Variants in BMPR2 observed in about 807,000 individuals in gnomAD.
BMPR2 encodes the protein bone morphogenetic protein receptor type 2.
In BMPR2, 29 loss-of-function variants were observed where a neutral mutation model predicts 100.8. That is an observed-to-expected ratio of 0.29 (90% CI 0.21 to 0.39). The LOEUF is 0.39. Ranked by LOEUF, BMPR2 falls within the 10% of genes least tolerant of loss-of-function variation. The pLI, the probability that BMPR2 is intolerant of heterozygous loss-of-function variation, is 1.00. For missense variants in BMPR2, 1,011 were observed against 1,274.5 expected, an observed-to-expected ratio of 0.79 and a Z score of 3.15; for synonymous variants, 382 against 442.3, an observed-to-expected ratio of 0.86 and a Z score of 1.71.
At chr2:202,436,187 C>G (rs1453933751) in intron 1 of BMPR2, among the ~76,000 whole-genome samples, 1 of 150,804 alleles carries the variant, frequency 6.6e-6, no homozygotes. Context: ...GGCACAGTGG[C>G]TTACGCCTAT....
intron 1 of BMPR2, among the ~76,000 whole-genome samples, chr2:202,389,666 C>G (rs1690507965): frequency 6.9e-6 from 1 of 144,190 alleles, no homozygotes; most frequent in South Asian, 2.2e-4. Context: ...TTTTTTGAGA[C>G]TGAGTTTTGC....
rs1447073568 is a variant in BMPR2, at chr2:202,376,660, A to G, written c.-815A>G. 2.7e-5 allele frequency among the ~76,000 whole-genome samples: 4 copies of G among 147,534 alleles called. No individual in the cohort carries two copies. Among genetic ancestry groups the G allele is most frequent in the Non-Finnish European group, 4.5e-5 (3 of 66,914 alleles). On this transcript the variant is annotated 5_prime_UTR_variant, in exon 1 of 13. Coordinates refer to ENST00000374580, the MANE Select transcript of BMPR2 (RefSeq NM_001204.7). ...CAGGCAAGATCGAGCCGCAGGAATA[A>G]AAAGCGAGGAAGGGAAGGGAGCGCC...
chr2:202,454,047 A>T (rs1257098629), intron 1 of BMPR2, among the ~76,000 whole-genome samples: 1 of 152,084 alleles, frequency 6.6e-6, no homozygotes, highest in Non-Finnish European at 1.5e-5. Context: ...TTATTATTTT[A>T]TTTCTGAATA....
chr2:202,524,886 A>T (rs938617446), intron 7 of BMPR2, among the ~76,000 whole-genome samples: 1 of 152,124 alleles, frequency 6.6e-6, no homozygotes, highest in Non-Finnish European at 1.5e-5. Flanking sequence ...TATCAAAAAA[A>T]AAAAATTAGC....
chr2:202,468,411 G>A (rs1455181070), intron 3 of BMPR2, among the ~76,000 whole-genome samples: 2 of 152,160 alleles, frequency 1.3e-5, no homozygotes, highest in African/African-American at 4.8e-5. Flanking sequence ...CTAGGAAGTT[G>A]AAGCTGCAGC....
chr2:202,400,308 ATTT>A (rs35517349), intron 1 of BMPR2, among the ~76,000 whole-genome samples: 6 of 130,554 alleles, frequency 4.6e-5, no homozygotes, highest in African/African-American at 5.7e-5. Flanking sequence ...TGCCAAGCTA[ATTT>A]TTTTTTTTTT....
chr2:202,422,548 C>T (rs1691288391), intron 1 of BMPR2, among the ~76,000 whole-genome samples: 2 of 151,700 alleles, frequency 1.3e-5, no homozygotes, highest in Admixed American at 6.6e-5. Flanking sequence ...CCTCATGACC[C>T]GCCTGCCTCA....
At chr2:202,558,892 C>CA (rs538329842) in intron 12 of BMPR2, among the ~76,000 whole-genome samples, 24,028 of 81,210 alleles carry the variant, frequency 0.3, 3,053 homozygotes, top group Non-Finnish European at 0.38. Flanking sequence ...AACTCCATCT[C>CA]AAAAAAAAAA....
chr2:202,397,279 A>G (rs1690673131), intron 1 of BMPR2, among the ~76,000 whole-genome samples: 1 of 152,210 alleles, frequency 6.6e-6, no homozygotes, highest in Admixed American at 6.5e-5. Flanking sequence ...TTATGAAACT[A>G]TAGTGATTGT....
chr2:202,538,793 CAAAAAAA>C (rs34853164), intron 9 of BMPR2, among the ~76,000 whole-genome samples: 10 of 60,326 alleles, frequency 1.7e-4, no homozygotes, highest in East Asian at 6.2e-4. Context: ...GACTCTGTCT[CAAAAAAA>C]AAAAAAAAAA....
chr2:202,437,900 TATTGTGAATAATGCC>T (rs371165989), intron 1 of BMPR2, among the ~76,000 whole-genome samples: 4 of 148,016 alleles, frequency 2.7e-5, no homozygotes, highest in Non-Finnish European at 6.0e-5. Context: ...ACTTTTTAGT[TATTGTGAATAATGCC>T]ATTATGAGTA....
intron 9 of BMPR2, among the ~76,000 whole-genome samples, chr2:202,535,876 G>T (rs970679113): frequency 3.3e-5 from 5 of 152,072 alleles, no homozygotes; most frequent in African/African-American, 9.7e-5. Flanking sequence ...CGCGGTTAGG[G>T]GCTGGAGACC....
At chr2:202,410,643 G>A (rs1331880374) in intron 1 of BMPR2, among the ~76,000 whole-genome samples, 1 of 152,114 alleles carries the variant, frequency 6.6e-6, no homozygotes, top group Non-Finnish European at 1.5e-5. Context: ...GCAGTGGCAC[G>A]ATCTGGGCTC....
intron 10 of BMPR2, among the ~76,000 whole-genome samples, chr2:202,546,291 T>C (rs991533116): frequency 4.6e-5 from 7 of 152,220 alleles, no homozygotes; most frequent in African/African-American, 1.7e-4. Context: ...CTTTCATAGT[T>C]GCATTGAGAT....
chr2:202,380,911 G>GCCTGGCCCTGGCCCTGGC (rs57602681), intron 1 of BMPR2, among the ~76,000 whole-genome samples: 12 of 140,808 alleles, frequency 8.5e-5, no homozygotes, highest in Non-Finnish European at 1.7e-4. Context: ...GGGCCACTGT[G>GCCTGGCCCTGGCCCTGGC]CCTGGCCCTG....
At chr2:202,384,113 A>G (rs995775762) in intron 1 of BMPR2, among the ~76,000 whole-genome samples, 1 of 152,204 alleles carries the variant, frequency 6.6e-6, no homozygotes, top group Non-Finnish European at 1.5e-5. Flanking sequence ...CAGAGGTTGC[A>G]GTGAGCCAAG....
chr2:202,436,382 G>T (rs1043119147), intron 1 of BMPR2, among the ~76,000 whole-genome samples: 5 of 150,270 alleles, frequency 3.3e-5, no homozygotes, highest in African/African-American at 1.0e-4. Context: ...GGTGATTGAG[G>T]CTGCAGTGAG....
At chr2:202,534,858 CCCCCCACCTCCCT>C (rs1574495818) in intron 9 of BMPR2, among the ~76,000 whole-genome samples, 6 of 145,096 alleles carry the variant, frequency 4.1e-5, no homozygotes, top group African/African-American at 1.6e-4. Flanking sequence ...GGGGGCTGAC[CCCCCCACCTCCCT>C]CCCGGACGGG....
At chr2:202,449,075 T>C (rs1469123155) in intron 1 of BMPR2, among the ~76,000 whole-genome samples, 1 of 151,648 alleles carries the variant, frequency 6.6e-6, no homozygotes, top group Non-Finnish European at 1.5e-5. Flanking sequence ...CCCAGCACTT[T>C]GGGAGGCCAA....
Sources: gnomAD v4.1 joint callset for allele counts (sites outside exome capture counted in the v4.1 genomes callset) on GRCh38, gnomAD v4.1.1 for gene constraint, MANE v1.5 for transcripts, NCBI Gene and HGNC (gene_info 2026-07-23, HGNC 2026-07-21) for gene names.